The following COL21A1 variants were observed in gnomAD, a reference collection of about 807,000 sequenced individuals.
COL21A1 encodes the protein collagen alpha-1(XXI) chain.
COL21A1 carries 149 observed loss-of-function variants against 137.9 expected under a neutral mutation model. That is an observed-to-expected ratio of 1.08 (90% CI 0.95 to 1.24). The LOEUF (loss-of-function observed/expected upper bound fraction) is 1.24. COL21A1 is among the 50% of genes most tolerant of loss of function. The pLI is 0.00. For synonymous variants in COL21A1, 456 were observed against 391.5 expected (o/e 1.16, Z -1.95); for missense variants, 1,167 against 1,158.4 (o/e 1.01, Z -0.11).
chr6:56,387,286 G>A (rs558078369), intron 1 of COL21A1, among the ~76,000 whole-genome samples: 1 of 152,262 alleles, frequency 6.6e-6, no homozygotes, highest in Non-Finnish European at 1.5e-5. Flanking sequence ...AAGCACCAGG[G>A]ATTTATCATG....
In COL21A1 at chr6:56,070,242, T is replaced by C. The variant is rs538533403; in HGVS notation, c.2019+503A>G. 5.1e-4 allele frequency among the ~76,000 whole-genome samples: 78 copies of C among 151,670 alleles called. 2 individuals are homozygous for C. In the South Asian group the frequency reaches 0.016, roughly 31 times the overall value. ...AAAAGGAGGCTTTATTCTCTTTGCT[T>C]ACTGTACTTACTTCCTAGCCATCAA... On this transcript the variant is annotated intron_variant, in intron 21 of 29. Transcript: ENST00000244728.
intron 1 of COL21A1, among the ~76,000 whole-genome samples, chr6:56,202,207 T>C (rs1779455254): frequency 1.3e-5 from 2 of 152,158 alleles, no homozygotes; most frequent in South Asian, 4.1e-4. Flanking sequence ...CTAAAGAGTA[T>C]ACCACCAAAA....
At chr6:56,323,823 T>A (rs1764934174) in intron 1 of COL21A1, among the ~76,000 whole-genome samples, 1 of 152,140 alleles carries the variant, frequency 6.6e-6, no homozygotes, top group Non-Finnish European at 1.5e-5. Context: ...TCGGTGACTT[T>A]AATAATTATT....
intron 24 of COL21A1, among the ~76,000 whole-genome samples, chr6:56,063,555 C>CA (rs1296174355): frequency 6.6e-6 from 1 of 152,062 alleles, no homozygotes; most frequent in East Asian, 1.9e-4. Context: ...TGTACTCAGG[C>CA]AATTCCAATC....
chr6:56,284,597 C>T (rs1369662517), intron 1 of COL21A1, among the ~76,000 whole-genome samples: 1 of 152,122 alleles, frequency 6.6e-6, no homozygotes, highest in South Asian at 2.1e-4. Flanking sequence ...GTGTCTTCCC[C>T]TTCCCATCCA....
chr6:56,324,749 C>T (rs535395132), intron 1 of COL21A1, among the ~76,000 whole-genome samples: 6 of 151,964 alleles, frequency 3.9e-5, no homozygotes, highest in Non-Finnish European at 8.8e-5. Context: ...AAACATACTA[C>T]CCAAATCATT....
intron 1 of COL21A1, among the ~76,000 whole-genome samples, chr6:56,236,525 G>C (rs1219218495): frequency 6.6e-6 from 1 of 152,010 alleles, no homozygotes; most frequent in Non-Finnish European, 1.5e-5. Context: ...GTGTTAACTA[G>C]AGTGTGTCTA....
chr6:56,167,569 G>A (rs1344842137), intron 6 of COL21A1, among the ~76,000 whole-genome samples: 2 of 152,028 alleles, frequency 1.3e-5, no homozygotes, highest in Admixed American at 6.5e-5. Flanking sequence ...TCAAATAAAG[G>A]GTTTTTCTAG....
At chr6:56,239,603 T>A (rs528226712) in intron 1 of COL21A1, among the ~76,000 whole-genome samples, 7 of 152,176 alleles carry the variant, frequency 4.6e-5, no homozygotes, top group South Asian at 2.1e-4. Context: ...GTGAAAAAAA[T>A]TTTTTATATA....
chr6:56,100,461 TAGAGAAA>T (rs1419513040), intron 17 of COL21A1, among the ~76,000 whole-genome samples: 1 of 152,170 alleles, frequency 6.6e-6, no homozygotes, highest in Non-Finnish European at 1.5e-5. Context: ...TATTCACACT[TAGAGAAA>T]AATATTCAGG....
intron 1 of COL21A1, among the ~76,000 whole-genome samples, chr6:56,200,842 T>C (rs6927421): frequency 0.63 from 95,103 of 151,782 alleles, 30,108 homozygotes; most frequent in East Asian, 0.87. Context: ...CTGGGTCAAA[T>C]GGTACTTCTA....
intron 1 of COL21A1, among the ~76,000 whole-genome samples, chr6:56,241,444 A>G (rs1194776688): frequency 6.6e-6 from 1 of 152,216 alleles, no homozygotes; most frequent in Non-Finnish European, 1.5e-5. Flanking sequence ...GCTAACTGAG[A>G]CACATATCAT....
At chr6:56,290,360 C>T (rs891492009) in intron 1 of COL21A1, among the ~76,000 whole-genome samples, 2 of 151,970 alleles carry the variant, frequency 1.3e-5, no homozygotes, top group Non-Finnish European at 2.9e-5. Context: ...TAGCATCCCC[C>T]GGCTAATTCT....
intron 1 of COL21A1, among the ~76,000 whole-genome samples, chr6:56,230,107 T>C (rs1353329776): frequency 6.6e-6 from 1 of 151,948 alleles, no homozygotes; most frequent in Non-Finnish European, 1.5e-5. Flanking sequence ...TGTGTCACAA[T>C]GTAAAATTTA....
chr6:56,388,997 CAG>C (rs1295109875), intron 1 of COL21A1, among the ~76,000 whole-genome samples: 2 of 152,166 alleles, frequency 1.3e-5, no homozygotes, highest in African/African-American at 4.8e-5. Context: ...AAAAACGTGT[CAG>C]AGTCTCCCAA....
intron 18 of COL21A1, 112 bp from the exon 19 acceptor site, chr6:56,075,644 T>C (rs1767167331): frequency 2.7e-6 from 2 of 746,470 alleles, no homozygotes; most frequent in Non-Finnish European, 4.2e-6. Flanking sequence ...CAGTTCACCT[T>C]TTTCTGCTTT....
intron 1 of COL21A1, among the ~76,000 whole-genome samples, chr6:56,233,452 T>C (rs1186059158): frequency 6.6e-6 from 1 of 151,722 alleles, no homozygotes; most frequent in African/African-American, 2.4e-5. Context: ...TATTAGTGAA[T>C]AAAAAGAGAA....
chr6:56,236,025 A>G (rs1012653901), intron 1 of COL21A1, among the ~76,000 whole-genome samples: 39 of 152,164 alleles, frequency 2.6e-4, no homozygotes, highest in African/African-American at 8.9e-4. Flanking sequence ...CTGGCTGTCA[A>G]GAATTAATTT....
Position 56,171,088 on chromosome 6 carries a change from A to C in COL21A1, c.681T>G (p.Asp227Glu). The change falls in exon 4 of 30, where the codon GAT becomes GAG. Residue 227 changes from aspartate (D) to glutamate (E), a missense_variant. Transcript: ENST00000244728. ...CTAAAAGAATATCAAATCCCCTTTC[A>C]TCACGAGCTGCCACTGGAATTCGTG... Reference protein sequence around the residue: ...CPTRIPVAARDERGFDILLGL... With the variant: ...CPTRIPVAAREERGFDILLGL... 1.9e-6 allele frequency: 3 copies of C among 1,607,902 alleles called. No individual in the cohort carries two copies. The Middle Eastern group carries it at 5.0e-4, about 268-fold the overall frequency.
Sources: allele counts gnomAD v4.1 joint callset (sites outside exome capture counted in the v4.1 genomes callset), GRCh38; gene constraint gnomAD v4.1.1; transcripts MANE v1.5; gene names NCBI Gene and HGNC (gene_info 2026-07-23, HGNC 2026-07-21).